The following DPYD variants were observed in gnomAD, a reference collection of about 807,000 sequenced individuals.
The protein encoded by DPYD is dihydropyrimidine dehydrogenase.
In DPYD, 109 loss-of-function variants were observed where a neutral mutation model predicts 116.2. That is an observed-to-expected ratio of 0.94 (90% CI 0.80 to 1.10). DPYD has a LOEUF of 1.10. Ranked by LOEUF, DPYD falls within the 50% of genes least tolerant of loss-of-function variation. The probability of loss-of-function intolerance (pLI) is 0.00; values close to 1 mark genes in which losing one functional copy is unlikely to be tolerated. For synonymous variants in DPYD, 440 were observed against 432.0 expected (o/e 1.02, Z -0.23); for missense variants, 1,302 against 1,254.5 (o/e 1.04, Z -0.57).
At chr1:97,172,626 G>T (rs1330960709) in intron 20 of DPYD, among the ~76,000 whole-genome samples, 1 of 152,132 alleles carries the variant, frequency 6.6e-6, no homozygotes, top group African/African-American at 2.4e-5. Flanking sequence ...GTTGCTAATA[G>T]AATCTTCTCG....
chr1:97,777,892 C>T (rs1666507229), intron 3 of DPYD, among the ~76,000 whole-genome samples: 1 of 151,814 alleles, frequency 6.6e-6, no homozygotes, highest in Non-Finnish European at 1.5e-5. Context: ...GGTGTAGTGG[C>T]TCACACCTGT....
At position 97,342,498 on chromosome 1, in the gene DPYD, A is replaced by T. The variant is rs145498853; in HGVS notation, c.2058+31063T>A. On this transcript the variant is annotated intron_variant, in intron 16 of 22. Transcript: ENST00000370192. ...CATACAGCTTCACAGTGCTAAGCAA[A>T]GTCGACTTATGTTCTTAGTGGAATT... Among the ~76,000 whole-genome samples, 620 of 152,320 alleles carry T rather than the reference A, an allele frequency of 4.1e-3. 6 individuals are homozygous for T. The highest frequency in any genetic ancestry group is 0.014 in the African/African-American group (581 of 41,586).
intron 14 of DPYD, among the ~76,000 whole-genome samples, chr1:97,390,393 A>G (rs1036895836): frequency 3.9e-5 from 6 of 152,092 alleles, no homozygotes; most frequent in Admixed American, 2.6e-4. Flanking sequence ...ATTTTCAAAG[A>G]CATTTAAACA....
intron 13 of DPYD, chr1:97,514,296 A>AGAC: frequency 1.1e-6 from 1 of 935,494 alleles, no homozygotes; most frequent in Non-Finnish European, 1.3e-6. Context: ...GATTAATCAG[A>AGAC]ATTCAATTAT....
intron 1 of DPYD, among the ~76,000 whole-genome samples, chr1:97,920,261 GA>G (rs1340534618): frequency 1.3e-5 from 2 of 152,022 alleles, no homozygotes; most frequent in Admixed American, 6.5e-5. Context: ...GTGCAAGAGG[GA>G]ATCAAAAACC....
At position 97,471,594 on chromosome 1, in the gene DPYD, C is replaced by CTT. The variant is rs368888805; in HGVS notation, c.1741-21373_1741-21372dup. On this transcript the variant is annotated intron_variant, in intron 13 of 22. Coordinates refer to ENST00000370192, the MANE Select transcript of DPYD (RefSeq NM_000110.4). ...TATGGGATGTGATCGTCCCACTTTC[C>CTT]TTTTTTTTTTTTTTGAGACAGTTTT... Among the ~76,000 whole-genome samples, 364 of 142,586 alleles carry CTT rather than the reference C, an allele frequency of 2.6e-3. 1 individual carries two copies. The highest frequency in any genetic ancestry group is 7.1e-3 in the African/African-American group (279 of 39,064). The allele number at this position is 142,586 out of a possible 152,430, so 93.5% of individuals were successfully genotyped here.
chr1:97,134,495 T>C (rs1570523316), intron 20 of DPYD, among the ~76,000 whole-genome samples: 1 of 152,172 alleles, frequency 6.6e-6, no homozygotes, highest in South Asian at 2.1e-4. Context: ...GACAGGATGG[T>C]AATAATAGTC....
intron 13 of DPYD, among the ~76,000 whole-genome samples, chr1:97,478,494 G>T (rs12096724): frequency 0.16 from 24,796 of 151,972 alleles, 2,130 homozygotes; most frequent in Non-Finnish European, 0.18. Context: ...CACCATGTTG[G>T]CCAGGATGGT....
intron 13 of DPYD, among the ~76,000 whole-genome samples, chr1:97,476,467 T>G (rs1230343190): frequency 5.9e-5 from 9 of 152,170 alleles, no homozygotes; most frequent in Admixed American, 5.9e-4. Context: ...TAATCAGAGA[T>G]AAAATGATCC....
At position 97,215,736 on chromosome 1, in the gene DPYD, C is replaced by T. The variant is rs139220037; in HGVS notation, c.2442+19116G>A. ...CATTCCTCCTGCGCACAAACAGGCA[C>T]GCCCATGCTTAGGCCCATGACACTC... is the stretch of plus-strand genomic sequence containing the variant. On this transcript the variant is annotated intron_variant, in intron 19 of 22. Coordinates refer to ENST00000370192, the MANE Select transcript of DPYD (RefSeq NM_000110.4). 2.0e-3 allele frequency among the ~76,000 whole-genome samples: 302 copies of T among 152,264 alleles called. 1 individual carries two copies. Among genetic ancestry groups the T allele is most frequent in the African/African-American group, 6.7e-3 (280 of 41,574 alleles).
rs568350318 is a variant in DPYD, at chr1:97,377,994, A to G, written c.1975-4350T>C. Among the ~76,000 whole-genome samples, 3 of 152,356 alleles carry G rather than the reference A, an allele frequency of 2.0e-5. No homozygotes were observed. In the East Asian group the frequency reaches 5.8e-4, roughly 29 times the overall value. ...TACTGTACTGGGGCATGAAAGGCACAGTTATTGGATTCCCTCTTAACTTCT... is the reference window on the plus strand; with the variant it reads ...TACTGTACTGGGGCATGAAAGGCACGGTTATTGGATTCCCTCTTAACTTCT... On this transcript the variant is annotated intron_variant, in intron 15 of 22. Coordinates refer to ENST00000370192, the MANE Select transcript of DPYD (RefSeq NM_000110.4).
chr1:97,411,589 A>G (rs887038010), intron 14 of DPYD, among the ~76,000 whole-genome samples: 1 of 152,208 alleles, frequency 6.6e-6, no homozygotes, highest in African/African-American at 2.4e-5. Context: ...ATACTAAAAT[A>G]ATAAAATATT....
intron 1 of DPYD, among the ~76,000 whole-genome samples, chr1:97,903,523 T>C (rs1270872325): frequency 6.6e-6 from 1 of 152,044 alleles, no homozygotes; most frequent in African/African-American, 2.4e-5. Flanking sequence ...CAAATCAATA[T>C]CTAACATGGA....
At chr1:97,161,369 C>G (rs1655884208) in intron 20 of DPYD, among the ~76,000 whole-genome samples, 3 of 152,054 alleles carry the variant, frequency 2.0e-5, no homozygotes. Context: ...CATACTGATA[C>G]AAGTAAAACA....
intron 16 of DPYD, among the ~76,000 whole-genome samples, chr1:97,368,056 G>T (rs1671130666): frequency 6.6e-6 from 1 of 151,982 alleles, no homozygotes; most frequent in African/African-American, 2.4e-5. Context: ...ATTTCCATTT[G>T]GATAATTCCA....
intron 18 of DPYD, among the ~76,000 whole-genome samples, chr1:97,236,947 T>C (rs1661973755): frequency 6.6e-6 from 1 of 152,176 alleles, no homozygotes; most frequent in African/African-American, 2.4e-5. Context: ...CTGGGAGTGG[T>C]GGCTCACGCC....
intron 16 of DPYD, among the ~76,000 whole-genome samples, chr1:97,309,520 G>T (rs555146737): frequency 1.5e-4 from 23 of 151,856 alleles, no homozygotes; most frequent in Admixed American, 3.9e-4. Context: ...ACAGATCTAG[G>T]GAGCAAATGG....
intron 3 of DPYD, among the ~76,000 whole-genome samples, chr1:97,812,638 C>T (rs1331212528): frequency 1.3e-5 from 2 of 151,830 alleles, no homozygotes; most frequent in African/African-American, 4.8e-5. Context: ...ATTCATGGTC[C>T]TAAATTATTT....
In DPYD at chr1:97,723,775, C is replaced by T. The variant is rs1262926172; in HGVS notation, c.322-2104G>A. ...AAAGTATAATATCCAAAAGTCAACA[C>T]AGAAATATCTTACACACAGAGAAGA... On this transcript the variant is annotated intron_variant, in intron 4 of 22. Transcript: ENST00000370192. Among the ~76,000 whole-genome samples the T allele has an allele frequency of 2.0e-5, 3 of 151,488 alleles. No homozygotes were observed. The Admixed American group carries it at 2.0e-4, about 10-fold the overall frequency.
Sources: allele counts gnomAD v4.1 joint callset (sites outside exome capture counted in the v4.1 genomes callset), GRCh38; gene constraint gnomAD v4.1.1; transcripts MANE v1.5; gene names NCBI Gene and HGNC (gene_info 2026-07-23, HGNC 2026-07-21).